Variants in TTC7B observed in about 807,000 individuals in gnomAD.
TTC7B encodes tetratricopeptide repeat domain 7B.
In TTC7B, 28 loss-of-function variants were observed where a neutral mutation model predicts 106.8. That is an observed-to-expected ratio of 0.26 (90% CI 0.19 to 0.36). TTC7B has a LOEUF of 0.36. Ranked by LOEUF, TTC7B falls within the 10% of genes least tolerant of loss-of-function variation. TTC7B has a pLI of 1.00. For synonymous variants in TTC7B, 405 were observed against 430.6 expected, an observed-to-expected ratio of 0.94 and a Z score of 0.74; for missense variants, 862 against 1,076.4, an observed-to-expected ratio of 0.80 and a Z score of 2.79.
At chr14:90,638,216 G>T (rs540826333) in intron 15 of TTC7B, among the ~76,000 whole-genome samples, 1 of 152,164 alleles carries the variant, frequency 6.6e-6, no homozygotes, top group East Asian at 1.9e-4. Context: ...AACATTGAAA[G>T]AATTTTCTCA....
At position 90,570,071 on chromosome 14, in the gene TTC7B, C is replaced by T. The variant is rs1467624806; in HGVS notation, c.2310+8035G>A. The T allele has an allele frequency of 6.6e-6, 1 of 152,272 alleles. No homozygotes were observed. Among genetic ancestry groups the T allele is most frequent in the Admixed American group, 6.5e-5 (1 of 15,288 alleles). The allele number at this position is 152,272 out of a possible 1,614,324, so 9.4% of individuals were successfully genotyped here. ...CCCTCAAGCACAGGCTCTCCTCCAG[C>T]CTTTTCCCATGTTCAGGCCCGGAGT... On this transcript the variant is annotated intron_variant, in intron 19 of 19. Coordinates refer to ENST00000328459, the MANE Select transcript of TTC7B (RefSeq NM_001010854.2). The surrounding 1 kb of genome is among the most constrained non-coding windows in gnomAD (Gnocchi z 4.0).
At chr14:90,811,108 C>T (rs890801888) in intron 1 of TTC7B, among the ~76,000 whole-genome samples, 1 of 152,196 alleles carries the variant, frequency 6.6e-6, no homozygotes, top group Non-Finnish European at 1.5e-5. Flanking sequence ...ACCATGGCCA[C>T]GAGCCCCAAT....
chr14:90,676,204 A>G, intron 9 of TTC7B: 1 of 247,486 alleles, frequency 4.0e-6, no homozygotes, highest in Non-Finnish European at 7.8e-6. Context: ...CTATGAGGAA[A>G]TTAATATCAC....
At chr14:90,804,484 C>T (rs1337766636) in intron 1 of TTC7B, among the ~76,000 whole-genome samples, 4 of 152,174 alleles carry the variant, frequency 2.6e-5, no homozygotes, top group African/African-American at 4.8e-5. Flanking sequence ...AGATCTGGGC[C>T]GGGCCTGAGG....
chr14:90,762,615 T>C (rs148859637), intron 3 of TTC7B, among the ~76,000 whole-genome samples: 1 of 152,214 alleles, frequency 6.6e-6, no homozygotes, highest in East Asian at 1.9e-4. Context: ...CAATTGCAAA[T>C]ATAGGAAGTA....
chr14:90,555,236 C>T (rs774055106), intron 19 of TTC7B, among the ~76,000 whole-genome samples: 6 of 152,226 alleles, frequency 3.9e-5, no homozygotes, highest in Non-Finnish European at 8.8e-5. Flanking sequence ...ACTCCCTACA[C>T]CAACCTGGGG....
intron 9 of TTC7B, among the ~76,000 whole-genome samples, chr14:90,664,499 G>A (rs1886332720): frequency 6.6e-6 from 1 of 152,178 alleles, no homozygotes; most frequent in African/African-American, 2.4e-5. Context: ...TTGGACTCCT[G>A]ACCTCAGGCA....
intron 16 of TTC7B, among the ~76,000 whole-genome samples, chr14:90,615,148 A>C (rs1826029269): frequency 6.6e-6 from 1 of 152,266 alleles, no homozygotes; most frequent in African/African-American, 2.4e-5. Flanking sequence ...CAAGTTTTCC[A>C]ATGCTCAGTT....
chr14:90,695,558 C>T lies in TTC7B; in HGVS notation c.719G>A (p.Gly240Glu). 4.4e-6 allele frequency: 7 copies of T among 1,593,860 alleles called. No homozygotes were observed. The highest frequency in any genetic ancestry group is 6.0e-6 in the Non-Finnish European group (7 of 1,170,812). ...FKNGNLTRGV[G>E]RFRELLRAVE... Reference sequence around the variant, plus strand: ...TGCTCTGAGAAGCTCTCTAAATCTTCCGACTCCTCTTGTCAAGTTCCTGTG... The same window carrying T: ...TGCTCTGAGAAGCTCTCTAAATCTTTCGACTCCTCTTGTCAAGTTCCTGTG... The change falls in exon 6 of 20, where the codon GGA becomes GAA. Residue 240 changes from glycine (G) to glutamate (E), a missense_variant. Coordinates refer to ENST00000328459, the MANE Select transcript of TTC7B (RefSeq NM_001010854.2).
intron 15 of TTC7B, among the ~76,000 whole-genome samples, chr14:90,630,144 T>G (rs1048563660): frequency 1.3e-5 from 2 of 152,204 alleles, no homozygotes; most frequent in Non-Finnish European, 2.9e-5. Flanking sequence ...CCTCTTCCAG[T>G]TCTTCTACTT....
At chr14:90,632,661 A>C (rs924658069) in intron 15 of TTC7B, among the ~76,000 whole-genome samples, 1 of 152,240 alleles carries the variant, frequency 6.6e-6, no homozygotes. Flanking sequence ...TCAATGCTTC[A>C]AAGTCAGTTC....
chr14:90,606,433 C>T (rs1257441420), intron 17 of TTC7B, among the ~76,000 whole-genome samples: 5 of 152,156 alleles, frequency 3.3e-5, no homozygotes, highest in African/African-American at 4.8e-5. Flanking sequence ...ACTTATTTTG[C>T]GTTGGATAGG....
chr14:90,783,904 C>G (rs1441701526), intron 2 of TTC7B, among the ~76,000 whole-genome samples: 1 of 151,828 alleles, frequency 6.6e-6, no homozygotes, highest in Admixed American at 6.6e-5. Flanking sequence ...GTCTGGATGA[C>G]AGAACAACAC....
chr14:90,760,169 G>A (rs1048842993), intron 3 of TTC7B, among the ~76,000 whole-genome samples: 7 of 152,100 alleles, frequency 4.6e-5, no homozygotes, highest in Non-Finnish European at 8.8e-5. Context: ...CACCAAGGGC[G>A]GACTCAGCAC....
At chr14:90,784,946 A>G (rs1162754059) in intron 2 of TTC7B, among the ~76,000 whole-genome samples, 1 of 152,172 alleles carries the variant, frequency 6.6e-6, no homozygotes, top group African/African-American at 2.4e-5. Context: ...ACAACTGACC[A>G]ACACCAATAC....
intron 19 of TTC7B, chr14:90,569,978 A>T (rs1890966111): frequency 1.3e-5 from 2 of 152,246 alleles, no homozygotes; most frequent in Admixed American, 6.5e-5. Flanking sequence ...GACAAGGAAG[A>T]GTATGCCTGG....
chr14:90,550,381 G>C (rs1409173163), intron 19 of TTC7B, among the ~76,000 whole-genome samples: 2 of 152,178 alleles, frequency 1.3e-5, no homozygotes, highest in Non-Finnish European at 2.9e-5. Flanking sequence ...TTGCGTATTT[G>C]CTTATCACAC....
chr14:90,699,934 C>T (rs1887920718), intron 5 of TTC7B, among the ~76,000 whole-genome samples: 2 of 152,212 alleles, frequency 1.3e-5, no homozygotes, highest in African/African-American at 2.4e-5. Context: ...ACTGACATAA[C>T]CCAAGCCTCT....
chr14:90,670,352 G>A (rs1276163553), intron 9 of TTC7B, among the ~76,000 whole-genome samples: 1 of 152,190 alleles, frequency 6.6e-6, no homozygotes, highest in African/African-American at 2.4e-5. Context: ...TATCGGGAAG[G>A]AGAGAATGAA....
Sources: allele counts gnomAD v4.1 joint callset (sites outside exome capture counted in the v4.1 genomes callset), GRCh38; gene constraint gnomAD v4.1.1; non-coding constraint Gnocchi (gnomAD v3.1); transcripts MANE v1.5; gene names NCBI Gene and HGNC (gene_info 2026-07-23, HGNC 2026-07-21).